Variants in CDH10 observed in about 807,000 individuals in gnomAD.
CDH10 encodes cadherin 10, also known as cadherin-10.
A neutral mutation model predicts 73.1 loss-of-function variants in CDH10; 30 were observed. The observed-to-expected ratio is 0.41, with a 90% CI of 0.31 to 0.56. CDH10 has a LOEUF of 0.56. Among genes scored for constraint, CDH10 ranks in the 20% least tolerant of loss-of-function variants. CDH10 has a pLI of 0.27. For missense variants in CDH10, 815 were observed against 973.7 expected, an observed-to-expected ratio of 0.84 and a Z score of 2.17; for synonymous variants, 345 against 348.2, an observed-to-expected ratio of 0.99 and a Z score of 0.10.
At chr5:24,497,263 G>C (rs978433725) in intron 9 of CDH10, among the ~76,000 whole-genome samples, 1 of 151,912 alleles carries the variant, frequency 6.6e-6, no homozygotes, top group Non-Finnish European at 1.5e-5. Flanking sequence ...TAACCATAGA[G>C]GGAGCGATGT....
intron 8 of CDH10, among the ~76,000 whole-genome samples, chr5:24,503,192 T>C (rs1050683240): frequency 2.0e-5 from 3 of 152,208 alleles, no homozygotes; most frequent in African/African-American, 7.2e-5. Context: ...CCAAAGCCTG[T>C]AGTGGTTACT....
At chr5:24,587,304 T>C (rs1470081703) in intron 2 of CDH10, among the ~76,000 whole-genome samples, 1 of 152,196 alleles carries the variant, frequency 6.6e-6, no homozygotes, top group Non-Finnish European at 1.5e-5. Context: ...TTATGAGACA[T>C]TGATGAGCAA....
chr5:24,564,112 T>G (rs1745075862), intron 2 of CDH10, among the ~76,000 whole-genome samples: 1 of 152,186 alleles, frequency 6.6e-6, no homozygotes, highest in Non-Finnish European at 1.5e-5. Flanking sequence ...AAATGATATT[T>G]AGAAACAAAT....
At chr5:24,594,787 T>TTTTA (rs777940917) in intron 1 of CDH10, among the ~76,000 whole-genome samples, 34 of 152,108 alleles carry the variant, frequency 2.2e-4, no homozygotes, top group African/African-American at 3.1e-4. Context: ...ACTCCATGTA[T>TTTTA]TTTATTTATT....
intron 2 of CDH10, among the ~76,000 whole-genome samples, chr5:24,587,958 G>T (rs1257524789): frequency 6.6e-6 from 1 of 152,156 alleles, no homozygotes; most frequent in African/African-American, 2.4e-5. Context: ...AAAACAAAGA[G>T]GTGGTCTGCT....
At chr5:24,598,822 G>A (rs1369640194) in intron 1 of CDH10, among the ~76,000 whole-genome samples, 1 of 152,084 alleles carries the variant, frequency 6.6e-6, no homozygotes, top group Non-Finnish European at 1.5e-5. Context: ...CTAGGAATGT[G>A]ACCTGCACAC....
chr5:24,561,763 GA>G (rs1159471582), intron 2 of CDH10, among the ~76,000 whole-genome samples: 1 of 152,078 alleles, frequency 6.6e-6, no homozygotes, highest in Non-Finnish European at 1.5e-5. Context: ...TCATCTCTAG[GA>G]AATCCTGAAG....
chr5:24,492,938 A>C lies in CDH10; in HGVS notation c.1516-13T>G. The C allele has an allele frequency of 1.0e-6, 1 of 994,404 alleles. No individual in the cohort carries two copies. Among genetic ancestry groups the C allele is most frequent in the Non-Finnish European group, 1.6e-6 (1 of 615,742 alleles). The allele number at this position is 994,404 out of a possible 1,614,324, so 61.6% of individuals were successfully genotyped here. A position where few individuals can be genotyped will look rare whatever the true frequency, so the allele number is the denominator to read the frequency against. On this transcript the variant is annotated splice_polypyrimidine_tract_variant and intron_variant, in intron 9 of 11. Coordinates refer to ENST00000264463, the MANE Select transcript of CDH10 (RefSeq NM_006727.5). The stretch of plus-strand genomic sequence containing the variant: ...TAGTCTGTATTAGCTGCAGAAAAAG[A>C]AAAATATATCTCATCAATATATCTC...
intron 2 of CDH10, among the ~76,000 whole-genome samples, chr5:24,563,775 CA>C (rs56666966): frequency 5.4e-4 from 70 of 128,768 alleles, no homozygotes; most frequent in Middle Eastern, 4.1e-3. Context: ...CCCCCTCCAC[CA>C]AAAAAAAAAA....
chr5:24,589,652 G>C (rs1746135942), intron 2 of CDH10, among the ~76,000 whole-genome samples: 1 of 151,868 alleles, frequency 6.6e-6, no homozygotes, highest in Admixed American at 6.6e-5. Context: ...CTGCATATTT[G>C]TTACAACTAA....
At chr5:24,568,900 A>T (rs1367809168) in intron 2 of CDH10, among the ~76,000 whole-genome samples, 1 of 152,108 alleles carries the variant, frequency 6.6e-6, no homozygotes, top group African/African-American at 2.4e-5. Flanking sequence ...TCACGAGGTC[A>T]GGAGTTCAAA....
intron 6 of CDH10, among the ~76,000 whole-genome samples, chr5:24,510,700 C>T (rs1165152232): frequency 6.6e-6 from 1 of 152,132 alleles, no homozygotes; most frequent in African/African-American, 2.4e-5. Context: ...TTAACTAATG[C>T]TTGTGTAGTT....
chr5:24,624,285 A>C (rs1435704940), intron 1 of CDH10, among the ~76,000 whole-genome samples: 1 of 152,130 alleles, frequency 6.6e-6, no homozygotes, highest in African/African-American at 2.4e-5. Context: ...AGTAAACTCT[A>C]TGAGGTCATA....
At chr5:24,596,811 T>G (rs774150068) in intron 1 of CDH10, among the ~76,000 whole-genome samples, 18 of 152,110 alleles carry the variant, frequency 1.2e-4, no homozygotes, top group South Asian at 6.2e-4. Context: ...TATCAGTATA[T>G]GTCTCTTTAA....
chr5:24,595,633 C>A (rs1239440998), intron 1 of CDH10, among the ~76,000 whole-genome samples: 2 of 151,854 alleles, frequency 1.3e-5, no homozygotes, highest in Admixed American at 6.6e-5. Context: ...AGACAGTATT[C>A]TCCAGAAATG....
At chr5:24,495,659 C>T (rs756467852) in intron 9 of CDH10, among the ~76,000 whole-genome samples, 9 of 151,860 alleles carry the variant, frequency 5.9e-5, no homozygotes, top group South Asian at 4.2e-4. Flanking sequence ...CCATCCTGGC[C>T]AACATGGTGA....
intron 5 of CDH10, among the ~76,000 whole-genome samples, chr5:24,522,768 A>T (rs1743382245): frequency 6.6e-6 from 1 of 152,212 alleles, no homozygotes; most frequent in African/African-American, 2.4e-5. Flanking sequence ...ATAATTACTT[A>T]GGAAATAAAA....
intron 2 of CDH10, among the ~76,000 whole-genome samples, chr5:24,589,658 A>G (rs149536874): frequency 9.9e-5 from 15 of 152,200 alleles, no homozygotes; most frequent in African/African-American, 3.4e-4. Flanking sequence ...ATTTGTTACA[A>G]CTAAAAGTAA....
At chr5:24,519,518 T>C (rs1334788017) in intron 5 of CDH10, among the ~76,000 whole-genome samples, 1 of 152,056 alleles carries the variant, frequency 6.6e-6, no homozygotes, top group East Asian at 1.9e-4. Flanking sequence ...AAAGGCAGAA[T>C]AACCTAGTAG....
Sources: allele counts gnomAD v4.1 joint callset (sites outside exome capture counted in the v4.1 genomes callset), GRCh38; gene constraint gnomAD v4.1.1; transcripts MANE v1.5; gene names NCBI Gene and HGNC (gene_info 2026-07-23, HGNC 2026-07-21).